MRPL44: variants seen among roughly 807,000 people sequenced by gnomAD.
MRPL44 encodes the protein mitochondrial ribosomal protein L44, also known as large ribosomal subunit protein mL44.
A neutral mutation model predicts 25.9 loss-of-function variants in MRPL44; 21 were observed. The ratio of observed to expected loss-of-function variants is 0.81; its 90% CI spans 0.58 to 1.17. The LOEUF (loss-of-function observed/expected upper bound fraction) is 1.17. Among genes scored for constraint, MRPL44 ranks in the 50% most tolerant of loss-of-function variants. The pLI, the probability that MRPL44 is intolerant of heterozygous loss-of-function variation, is 0.00. For missense variants in MRPL44, 410 were observed against 398.9 expected (o/e 1.03, Z -0.24); for synonymous variants, 169 against 151.0 (o/e 1.12, Z -0.87).
chr2:223,951,566 C>T, the MRPL44 span, among the ~76,000 whole-genome samples: 1 of 148,910 alleles, frequency 6.7e-6, no homozygotes, highest in Non-Finnish European at 1.5e-5. Context: ...GAAACGTCTG[C>T]CTCCCTGGTT....
intron 2 of MRPL44, among the ~76,000 whole-genome samples, chr2:223,960,460 AT>A (rs1689641480): frequency 6.6e-6 from 1 of 152,212 alleles, no homozygotes; most frequent in Non-Finnish European, 1.5e-5. Flanking sequence ...TTCTTATGTA[AT>A]TGGTACAACT....
chr2:223,958,000 C>T (rs1689598686), intron 1 of MRPL44, among the ~76,000 whole-genome samples: 1 of 152,042 alleles, frequency 6.6e-6, no homozygotes, highest in African/African-American at 2.4e-5. Context: ...AGAAAGCAGC[C>T]CACAGCATCG....
At chr2:223,952,632 A>G (rs1037906960), upstream of MRPL44, among the ~76,000 whole-genome samples, 2 of 152,208 alleles carry the variant, frequency 1.3e-5, no homozygotes, top group African/African-American at 4.8e-5. Context: ...ATTTTGGCCT[A>G]AAGGTTTTTC....
upstream of MRPL44, among the ~76,000 whole-genome samples, chr2:223,954,841 G>A (rs1689542016): frequency 6.6e-6 from 1 of 152,144 alleles, no homozygotes; most frequent in Admixed American, 6.5e-5. Context: ...CCAGGAGGTG[G>A]GGCTTGTTGA....
At chr2:223,959,080 T>G (rs1174787957) in intron 1 of MRPL44, among the ~76,000 whole-genome samples, 1 of 152,208 alleles carries the variant, frequency 6.6e-6, no homozygotes, top group Admixed American at 6.5e-5. Flanking sequence ...CATCCATGAA[T>G]TTCAGTATCC....
chr2:223,964,341 C>T (rs1454136946), intron 3 of MRPL44, among the ~76,000 whole-genome samples: 1 of 152,166 alleles, frequency 6.6e-6, no homozygotes, highest in Non-Finnish European at 1.5e-5. Context: ...CTTAGTTATC[C>T]ATCAAAATGT....
chr2:223,951,215 T>C, the MRPL44 span, among the ~76,000 whole-genome samples: 1 of 152,232 alleles, frequency 6.6e-6, no homozygotes, highest in Non-Finnish European at 1.5e-5. Context: ...TAAAACCTGA[T>C]TGAAGTGAGT....
intron 2 of MRPL44, among the ~76,000 whole-genome samples, chr2:223,961,738 G>A (rs1210504362): frequency 6.6e-6 from 1 of 152,210 alleles, no homozygotes; most frequent in Non-Finnish European, 1.5e-5. Context: ...CTGGGGAGAT[G>A]AGATTGGAGT....
intron 2 of MRPL44, among the ~76,000 whole-genome samples, chr2:223,961,481 A>T (rs1689660711): frequency 1.3e-5 from 2 of 152,202 alleles, no homozygotes; most frequent in South Asian, 4.1e-4. Context: ...CTTGATAGAA[A>T]TGCAAATTCT....
chr2:223,963,978 C>T, intron 3 of MRPL44, 44 bp downstream of exon 3: 7 of 1,518,758 alleles, frequency 4.6e-6, no homozygotes, highest in Non-Finnish European at 6.3e-6. Flanking sequence ...TGAGGAAATC[C>T]TAAAAACAGA....
rs139844523 is a variant in MRPL44 at position 223,965,473 on chromosome 2, G to A, written c.828-1390G>A. Among the ~76,000 whole-genome samples, 867 of 152,290 alleles carry A rather than the reference G, an allele frequency of 5.7e-3. 5 individuals carry two copies. The highest frequency in any genetic ancestry group is 7.9e-3 in the Non-Finnish European group (535 of 68,028). On this transcript the variant is annotated intron_variant, in intron 3 of 3. Coordinates refer to ENST00000258383, the MANE Select transcript of MRPL44 (RefSeq NM_022915.5). Reference sequence around the variant, plus strand: ...GATTGAATCTGATTTAGTAAATGCAGTTGCTATGCATTAAACTTTCAGGAG... The same window carrying A: ...GATTGAATCTGATTTAGTAAATGCAATTGCTATGCATTAAACTTTCAGGAG...
chr2:223,958,950 G>A (rs1310038380), intron 1 of MRPL44, among the ~76,000 whole-genome samples: 1 of 152,210 alleles, frequency 6.6e-6, no homozygotes, highest in Non-Finnish European at 1.5e-5. Flanking sequence ...AGCACATGCA[G>A]AATTGCTACA....
intron 2 of MRPL44, among the ~76,000 whole-genome samples, chr2:223,960,928 G>T (rs769358017): frequency 6.6e-6 from 1 of 152,168 alleles, no homozygotes; most frequent in Non-Finnish European, 1.5e-5. Context: ...ATTGTAATGC[G>T]TCTTAACAGT....
chr2:223,959,472 A>G, intron 1 of MRPL44, 62 bp from the exon 2 acceptor site: 1 of 1,314,068 alleles, frequency 7.6e-7, no homozygotes, highest in Non-Finnish European at 1.1e-6. Context: ...ACAGTGAACA[A>G]TTTTTATATC....
intron 3 of MRPL44, among the ~76,000 whole-genome samples, chr2:223,964,723 C>A (rs1232857766): frequency 6.6e-6 from 1 of 152,104 alleles, no homozygotes; most frequent in African/African-American, 2.4e-5. Context: ...ATAATTTTGA[C>A]AAAATGCCAA....
Position 223,957,530 on chromosome 2 carries a change from G to T in MRPL44, c.58G>T (p.Val20Phe). The change falls in exon 1 of 4, where the codon GTC (valine) becomes TTC (phenylalanine). Residue 20 changes from valine to phenylalanine, a missense_variant. By Grantham distance (50) the Val-to-Phe change is conservative. Transcript: ENST00000258383. ...GGGACATCGCTGCCTCCTGGCTCCAGTCGCCCCCAAGCTGGTCCCTCCGGT... is the reference window on the plus strand; with the variant it reads ...GGGACATCGCTGCCTCCTGGCTCCATTCGCCCCCAAGCTGGTCCCTCCGGT... ...QQGHRCLLAP[V>F]APKLVPPVRG... The T allele has an allele frequency of 6.2e-7, 1 of 1,614,064 alleles. No individual in the cohort carries two copies. The highest frequency in any genetic ancestry group is 8.5e-7 in the Non-Finnish European group (1 of 1,180,020).
At chr2:223,957,390 C>CGTTCCGG, upstream of MRPL44, 11 of 1,559,492 alleles carry the variant, frequency 7.1e-6, no homozygotes, top group Non-Finnish European at 8.8e-6. Context: ...TCGCGTTCCG[C>CGTTCCGG]GTTCCGGGTT....
upstream of MRPL44, among the ~76,000 whole-genome samples, chr2:223,955,829 A>G (rs1049983227): frequency 2.0e-5 from 3 of 152,228 alleles, no homozygotes; most frequent in Non-Finnish European, 4.4e-5. Flanking sequence ...TCCTGGAACC[A>G]AGTCCTCCTC....
chr2:223,960,395 T>A (rs1467593744), intron 2 of MRPL44, among the ~76,000 whole-genome samples: 1 of 152,248 alleles, frequency 6.6e-6, no homozygotes, highest in East Asian at 1.9e-4. Flanking sequence ...AATGTTGGAT[T>A]TCAAGTCCCT....
Sources: allele counts gnomAD v4.1 joint callset (sites outside exome capture counted in the v4.1 genomes callset), GRCh38; gene constraint gnomAD v4.1.1; transcripts MANE v1.5; gene names NCBI Gene and HGNC (gene_info 2026-07-23, HGNC 2026-07-21).